Variants in OPCML observed in about 807,000 individuals in gnomAD.
The protein encoded by OPCML is opioid-binding protein/cell adhesion molecule.
In OPCML, 13 loss-of-function variants were observed where a neutral mutation model predicts 37.8. That is an observed-to-expected ratio of 0.34 (90% CI 0.22 to 0.55). The LOEUF (loss-of-function observed/expected upper bound fraction) is 0.55. OPCML is among the 20% of genes least tolerant of loss of function. OPCML has a pLI of 0.91. For synonymous variants in OPCML, 176 were observed against 168.8 expected (o/e 1.04, Z -0.33); for missense variants, 341 against 435.6 (o/e 0.78, Z 1.93).
At chr11:133,002,783 G>C (rs937989405) in intron 1 of OPCML, among the ~76,000 whole-genome samples, 1 of 151,698 alleles carries the variant, frequency 6.6e-6, no homozygotes, top group Non-Finnish European at 1.5e-5. Flanking sequence ...AAGAGAGGGG[G>C]GGGTGGGAAG....
At chr11:133,018,773 C>T (rs898734147) in intron 1 of OPCML, among the ~76,000 whole-genome samples, 4 of 152,194 alleles carry the variant, frequency 2.6e-5, no homozygotes, top group African/African-American at 9.7e-5. Flanking sequence ...CCTATGGCCC[C>T]GTGTACCCCG....
chr11:133,474,519 T>C (rs1418805802), intron 1 of OPCML, among the ~76,000 whole-genome samples: 1 of 152,230 alleles, frequency 6.6e-6, no homozygotes, highest in East Asian at 1.9e-4. Context: ...ATAGACGAGT[T>C]TCCTGAACTG....
intron 1 of OPCML, among the ~76,000 whole-genome samples, chr11:133,053,680 T>C (rs1948171692): frequency 6.6e-6 from 1 of 152,204 alleles, no homozygotes; most frequent in Non-Finnish European, 1.5e-5. Flanking sequence ...CTCCAGGCTT[T>C]TCTTCGACCT....
intron 1 of OPCML, among the ~76,000 whole-genome samples, chr11:132,967,663 CAATT>C (rs1221189610): frequency 1.3e-5 from 2 of 152,078 alleles, no homozygotes; most frequent in African/African-American, 4.8e-5. Flanking sequence ...TTTCTTAAAT[CAATT>C]AAGAAAGAAG....
At chr11:132,479,086 C>T (rs1459769256) in intron 4 of OPCML, among the ~76,000 whole-genome samples, 1 of 152,094 alleles carries the variant, frequency 6.6e-6, no homozygotes, top group African/African-American at 2.4e-5. Context: ...CTGAGTGACG[C>T]AGAAGACGGG....
Position 132,871,666 on chromosome 11 carries a change from T to C in OPCML, c.146+71260A>G, listed in dbSNP as rs1238666591. 2.6e-5 allele frequency among the ~76,000 whole-genome samples: 4 copies of C among 152,194 alleles called. No individual in the cohort carries two copies. In the East Asian group the frequency reaches 7.7e-4, roughly 29 times the overall value. On this transcript the variant is annotated intron_variant, in intron 2 of 7. Transcript: ENST00000524381. ...CCTCCATGGGATGAAGCGCCACCGATGTTAGGCACTTCCTCTGTTCATCTG... is the reference window on the plus strand; with the variant it reads ...CCTCCATGGGATGAAGCGCCACCGACGTTAGGCACTTCCTCTGTTCATCTG...
intron 1 of OPCML, among the ~76,000 whole-genome samples, chr11:133,113,997 G>A (rs887208283): frequency 2.0e-5 from 3 of 152,188 alleles, no homozygotes; most frequent in East Asian, 1.9e-4. Context: ...CTATGATTAC[G>A]CTGTTGTCTA....
intron 2 of OPCML, among the ~76,000 whole-genome samples, chr11:132,885,752 C>T (rs1049374308): frequency 1.3e-5 from 2 of 152,100 alleles, no homozygotes; most frequent in Non-Finnish European, 2.9e-5. Flanking sequence ...GCATTAATTT[C>T]AAAATAGAGC....
At chr11:133,144,209 C>T (rs776973461) in intron 1 of OPCML, among the ~76,000 whole-genome samples, 11 of 152,214 alleles carry the variant, frequency 7.2e-5, no homozygotes, top group Non-Finnish European at 1.3e-4. Context: ...TGCTTCACTG[C>T]GCTCTCTTCC....
intron 4 of OPCML, among the ~76,000 whole-genome samples, chr11:132,502,244 G>A (rs116048956): frequency 0.015 from 2,267 of 152,206 alleles, 52 homozygotes; most frequent in African/African-American, 0.051. Context: ...AGTTCTACAG[G>A]CTTCTCTCCA....
chr11:133,086,495 C>T (rs1438567306), intron 1 of OPCML, among the ~76,000 whole-genome samples: 1 of 152,092 alleles, frequency 6.6e-6, no homozygotes, highest in African/African-American at 2.4e-5. Flanking sequence ...CTCCTCTTTA[C>T]CCCATCTTCT....
chr11:133,458,512 A>C (rs1403437961), intron 1 of OPCML, among the ~76,000 whole-genome samples: 4 of 120,748 alleles, frequency 3.3e-5, no homozygotes, highest in Non-Finnish European at 6.1e-5. Flanking sequence ...GTGTATATAC[A>C]CATATATACA....
At chr11:133,132,824 C>G (rs879585077) in intron 1 of OPCML, among the ~76,000 whole-genome samples, 4 of 148,608 alleles carry the variant, frequency 2.7e-5, no homozygotes, top group African/African-American at 5.0e-5. Context: ...GTGATAGAAG[C>G]GATCAGTATT....
rs372903929 is a variant in OPCML at position 133,130,314 on chromosome 11, C to A, written c.62-187304G>T. On this transcript the variant is annotated intron_variant, in intron 1 of 7. Coordinates refer to ENST00000524381, the MANE Select transcript of OPCML (RefSeq NM_001012393.5). ...GGAACATTAATGATCTGTGAGATAA[C>A]TTCAAGAGGCCAAATATACATGTAA... Among the ~76,000 whole-genome samples, 238 of 152,124 alleles carry A rather than the reference C, an allele frequency of 1.6e-3. 1 individual carries two copies. Among genetic ancestry groups the A allele is most frequent in the African/African-American group, 5.4e-3 (225 of 41,516 alleles).
chr11:132,999,564 G>GT lies in OPCML; in HGVS notation c.62-56555_62-56554insA, dbSNP rs1042656591. ...CACAGCTCTGCTCCAAGTGACAAAT[G>GT]GGGTCGGGGGGGGAATGCCACCGGT... On this transcript the variant is annotated intron_variant, in intron 1 of 7. Transcript: ENST00000524381. Among the ~76,000 whole-genome samples the GT allele has an allele frequency of 7.9e-3, 1,117 of 141,848 alleles. 12 individuals carry two copies. The highest frequency in any genetic ancestry group is 0.029 in the African/African-American group (1,066 of 37,402). 93.1% of individuals were successfully genotyped at this position (141,848 alleles called of 152,430 possible).
intron 2 of OPCML, among the ~76,000 whole-genome samples, chr11:132,676,032 G>A (rs1239836781): frequency 6.6e-6 from 1 of 152,112 alleles, no homozygotes; most frequent in Non-Finnish European, 1.5e-5. Context: ...ACTTTCCAAT[G>A]TTAAAGCTTA....
chr11:133,241,067 A>G (rs972939424), intron 1 of OPCML, among the ~76,000 whole-genome samples: 4 of 152,166 alleles, frequency 2.6e-5, no homozygotes, highest in African/African-American at 9.7e-5. Context: ...CTTTCTCTCG[A>G]TGAATAAAGA....
intron 1 of OPCML, among the ~76,000 whole-genome samples, chr11:133,472,238 G>T (rs904273328): frequency 1.3e-5 from 2 of 152,104 alleles, no homozygotes; most frequent in African/African-American, 4.8e-5. Context: ...CCAAGCCTTT[G>T]CCTGGTGAAA....
chr11:132,513,329 A>T (rs1467172482), intron 4 of OPCML, among the ~76,000 whole-genome samples: 1 of 152,162 alleles, frequency 6.6e-6, no homozygotes, highest in Admixed American at 6.6e-5. Flanking sequence ...GACTGGCAAA[A>T]AAGCAACATT....
Sources: allele counts gnomAD v4.1 joint callset (sites outside exome capture counted in the v4.1 genomes callset), GRCh38; gene constraint gnomAD v4.1.1; transcripts MANE v1.5; gene names NCBI Gene and HGNC (gene_info 2026-07-23, HGNC 2026-07-21).